ITPR2: variants seen among roughly 807,000 people sequenced by gnomAD.
ITPR2 encodes the protein inositol 1,4,5-trisphosphate receptor type 2, also known as inositol 1,4,5-trisphosphate-gated calcium channel ITPR2.
Under a neutral mutation model 317.1 loss-of-function variants are expected in ITPR2, and 207 were observed. That is an observed-to-expected ratio of 0.65 (90% CI 0.58 to 0.73). The LOEUF (loss-of-function observed/expected upper bound fraction) is 0.73, where lower values mean the gene tolerates loss of function less well. ITPR2 is among the 30% of genes least tolerant of loss of function. ITPR2 has a pLI of 0.00. For missense variants in ITPR2, 2,613 were observed against 3,284.0 expected (o/e 0.80, Z 4.99); for synonymous variants, 1,156 against 1,149.1 (o/e 1.01, Z -0.12).
chr12:26,756,932 T>C (rs1390923391), intron 2 of ITPR2, among the ~76,000 whole-genome samples: 1 of 152,160 alleles, frequency 6.6e-6, no homozygotes, highest in Non-Finnish European at 1.5e-5. Context: ...AAGATACAGG[T>C]CATAAAGATC....
chr12:26,666,151 T>TAGAC (rs1947626264), intron 13 of ITPR2, 100 bp from the exon 14 acceptor site: 3 of 413,322 alleles, frequency 7.3e-6, no homozygotes, highest in African/African-American at 8.9e-5. Context: ...GATAGATAGA[T>TAGAC]AGATAGATAG....
chr12:26,764,428 G>T (rs543651297), intron 2 of ITPR2, among the ~76,000 whole-genome samples: 1 of 152,054 alleles, frequency 6.6e-6, no homozygotes, highest in East Asian at 1.9e-4. Flanking sequence ...GGCACCAACT[G>T]GGAAAAATAT....
chr12:26,682,717 C>T (rs1335073738), intron 11 of ITPR2, 44 bp from the exon 12 acceptor site: 2 of 1,162,208 alleles, frequency 1.7e-6, no homozygotes, highest in Non-Finnish European at 2.6e-6. Flanking sequence ...AAAAAATTAG[C>T]ACACTTACAT....
In ITPR2 at chr12:26,487,097, T is replaced by C; in HGVS notation, c.5525A>G (p.Glu1842Gly). 6.2e-7 allele frequency: 1 copy of C among 1,612,228 alleles called. No homozygotes were observed. The change falls in exon 40 of 57, where the codon GAA (glutamate) becomes GGA (glycine). Residue 1842 changes from glutamate to glycine, a missense_variant. Transcript: ENST00000381340. Reference sequence around the variant, plus strand: ...CATTCGTGGACCAGATGTCATCAATTCATTGTCATCGTCCCTTTTTTTGTT... The same window carrying C: ...CATTCGTGGACCAGATGTCATCAATCCATTGTCATCGTCCCTTTTTTTGTT... ...LGNKKRDDDN[E>G]LMTSGPRMRV...
Position 26,495,261 on chromosome 12 carries a change from C to G in ITPR2, c.5074-1G>C. ...GAAGTATCTTTCTTAATGTGTTACC[C>G]TAATAAGAAGGATAACAAAGAGTTA... On this transcript the variant is annotated splice_acceptor_variant, in intron 37 of 56. Transcript: ENST00000381340. LOFTEE classifies it high-confidence loss of function. The G allele has an allele frequency of 6.8e-7, 1 of 1,477,686 alleles. No individual in the cohort carries two copies. The highest frequency in any genetic ancestry group is 9.4e-7 in the Non-Finnish European group (1 of 1,060,856). 91.5% of individuals were successfully genotyped at this position (1,477,686 alleles called of 1,614,324 possible).
intron 37 of ITPR2, among the ~76,000 whole-genome samples, chr12:26,528,336 T>G (rs1385758681): frequency 6.6e-6 from 1 of 152,206 alleles, no homozygotes; most frequent in African/African-American, 2.4e-5. Flanking sequence ...GATTTTTGTT[T>G]AGAGCTACAA....
chr12:26,675,356 A>G (rs1592025441), intron 13 of ITPR2, among the ~76,000 whole-genome samples: 1 of 152,270 alleles, frequency 6.6e-6, no homozygotes, highest in Admixed American at 6.5e-5. Flanking sequence ...ACCATGGAAT[A>G]CTATGTAGCC....
chr12:26,538,460 C>T (rs562884069), intron 37 of ITPR2, among the ~76,000 whole-genome samples: 2 of 152,282 alleles, frequency 1.3e-5, no homozygotes, highest in South Asian at 4.1e-4. Context: ...TTACTTTCAC[C>T]AGCATTATTT....
intron 2 of ITPR2, among the ~76,000 whole-genome samples, chr12:26,742,922 G>C (rs933553560): frequency 2.0e-5 from 3 of 152,162 alleles, no homozygotes; most frequent in Non-Finnish European, 4.4e-5. Flanking sequence ...CATAAGGTAT[G>C]GTTCCATTTA....
intron 53 of ITPR2, among the ~76,000 whole-genome samples, chr12:26,399,804 T>C (rs1940111975): frequency 6.6e-6 from 1 of 152,238 alleles, no homozygotes; most frequent in African/African-American, 2.4e-5. Context: ...TCAAGAAACC[T>C]GATAGGCAAG....
At chr12:26,669,896 A>C (rs1253981898) in intron 13 of ITPR2, among the ~76,000 whole-genome samples, 3 of 152,186 alleles carry the variant, frequency 2.0e-5, no homozygotes, top group Non-Finnish European at 4.4e-5. Context: ...AGGAGATTAC[A>C]TCCCACACAT....
chr12:26,475,308 A>G lies in ITPR2; in HGVS notation c.6330T>C (p.Ile2110=), dbSNP rs746329541. The G allele has an allele frequency of 6.2e-7, 1 of 1,613,966 alleles. No homozygotes were observed. Among genetic ancestry groups the G allele is most frequent in the East Asian group, 2.2e-5 (1 of 44,890 alleles). ...TAAAATGTGACACCTGATGGGCCAG[A>G]ATATAGATATTGTGTCCAACATCTT... ...SPKDVGHNIY[I]LAHQLARHNK... The change falls in exon 45 of 57, where the codon ATT becomes ATC. Residue 2110 remains isoleucine (I), a synonymous_variant. Coordinates refer to ENST00000381340, the MANE Select transcript of ITPR2 (RefSeq NM_002223.4).
chr12:26,343,131 TG>T (rs1938191499), intron 55 of ITPR2, among the ~76,000 whole-genome samples: 1 of 152,078 alleles, frequency 6.6e-6, no homozygotes. Context: ...AACCATGACC[TG>T]AATAACTTTC....
intron 46 of ITPR2, among the ~76,000 whole-genome samples, chr12:26,442,222 A>G (rs1189268553): frequency 6.6e-6 from 1 of 152,136 alleles, no homozygotes; most frequent in Non-Finnish European, 1.5e-5. Flanking sequence ...TCAATCTTTA[A>G]TACATTCTTA....
chr12:26,356,130 T>C (rs1357126877), intron 55 of ITPR2, among the ~76,000 whole-genome samples: 1 of 152,210 alleles, frequency 6.6e-6, no homozygotes, highest in Non-Finnish European at 1.5e-5. Context: ...TTGCAGAATA[T>C]AGCAATGACA....
In ITPR2 at chr12:26,582,733, T is replaced by G. The variant is rs927510730; in HGVS notation, c.4381-2578A>C. Among the ~76,000 whole-genome samples, 4 of 152,204 alleles carry G rather than the reference T, an allele frequency of 2.6e-5. 1 individual carries two copies. The highest frequency in any genetic ancestry group is 9.6e-5 in the African/African-American group (4 of 41,456). On this transcript the variant is annotated intron_variant, in intron 32 of 56. Transcript: ENST00000381340. The stretch of plus-strand genomic sequence containing the variant: ...ACCAGATGAGGGTATGTAGACAGTT[T>G]TATACTGCTTGCTGGGCTGATCCTC...
intron 55 of ITPR2, among the ~76,000 whole-genome samples, chr12:26,367,554 T>C (rs1191378774): frequency 6.6e-6 from 1 of 152,046 alleles, no homozygotes; most frequent in Admixed American, 6.5e-5. Context: ...CAATCAAATA[T>C]AAAAATCTGA....
intron 9 of ITPR2, among the ~76,000 whole-genome samples, chr12:26,699,796 A>T (rs1948413286): frequency 6.6e-6 from 1 of 152,210 alleles, no homozygotes; most frequent in African/African-American, 2.4e-5. Context: ...CTCTAAATTG[A>T]ATAATAGCAG....
chr12:26,685,181 A>C (rs1948103658), intron 11 of ITPR2, among the ~76,000 whole-genome samples: 1 of 152,200 alleles, frequency 6.6e-6, no homozygotes, highest in East Asian at 1.9e-4. Context: ...CATCAAGGCC[A>C]ATTTAGAGCC....
Sources: gnomAD v4.1 joint callset for allele counts (sites outside exome capture counted in the v4.1 genomes callset) on GRCh38, gnomAD v4.1.1 for gene constraint, MANE v1.5 for transcripts, NCBI Gene and HGNC (gene_info 2026-07-23, HGNC 2026-07-21) for gene names.